LYZL6: variants seen among roughly 807,000 people sequenced by gnomAD.
LYZL6 encodes the protein lysozyme like 6.
Under a neutral mutation model 15.0 loss-of-function variants are expected in LYZL6, and 21 were observed. The observed-to-expected ratio is 1.40, with a 90% CI of 1.00 to 2.02. The LOEUF is 2.02. Among genes scored for constraint, LYZL6 ranks in the 30% most tolerant of loss-of-function variants. LYZL6 has a pLI of 0.00. For synonymous variants in LYZL6, 72 were observed against 67.8 expected (o/e 1.06, Z -0.31); for missense variants, 173 against 180.5 (o/e 0.96, Z 0.24).
intron 1 of LYZL6, among the ~76,000 whole-genome samples, chr17:35,942,561 C>A (rs1039324522): frequency 5.9e-5 from 9 of 152,166 alleles, no homozygotes; most frequent in Non-Finnish European, 1.0e-4. Flanking sequence ...GAATCCCCAG[C>A]AGAAAACTTT....
chr17:35,934,945 G>T (rs1013708083), intron 4 of LYZL6, 80 bp from the exon 5 acceptor site: 2 of 1,332,678 alleles, frequency 1.5e-6, no homozygotes, highest in Non-Finnish European at 2.1e-6. Context: ...GGTGAGTCTC[G>T]CATATGGAGC....
chr17:35,937,543 G>A (rs1182919333), intron 3 of LYZL6, among the ~76,000 whole-genome samples: 1 of 152,198 alleles, frequency 6.6e-6, no homozygotes, highest in Admixed American at 6.5e-5. Flanking sequence ...AGCTGTATAC[G>A]GAGCCTTCCT....
chr17:35,938,279 G>A (rs1386794743), intron 2 of LYZL6, among the ~76,000 whole-genome samples: 1 of 152,078 alleles, frequency 6.6e-6, no homozygotes, highest in Non-Finnish European at 1.5e-5. Flanking sequence ...TGTAATACAG[G>A]CCTTGTAATA....
chr17:35,937,849 G>A lies in LYZL6; in HGVS notation c.207C>T (p.Ser69=), dbSNP rs1173835881. ...TGATCTGGAAGAGGCCATAGTCAAA[G>A]CTTCCGTCTGCATTTTCATTTATCT... The part of the protein sequence containing the change: ...ISKINENADG[S]FDYGLFQINS... Residue 69 remains serine, a synonymous_variant, in exon 3 of 5, where the codon AGC becomes AGT. Transcript: ENST00000615905. 5.0e-6 allele frequency: 8 copies of A among 1,614,128 alleles called. No homozygotes were observed. The highest frequency in any genetic ancestry group is 6.8e-6 in the Non-Finnish European group (8 of 1,180,016).
intron 4 of LYZL6, among the ~76,000 whole-genome samples, chr17:35,936,004 G>A (rs1254050557): frequency 6.7e-6 from 1 of 148,326 alleles, no homozygotes; most frequent in Admixed American, 6.7e-5. Flanking sequence ...TAACAGAGAC[G>A]GGGCTTCACC....
rs960606566 is a variant in LYZL6 at position 35,939,546 on chromosome 17, T to C, written c.-190A>G. Reference sequence around the variant, plus strand: ...TTATTTTATAGATTTTTATTTATCATGGAAAATTAAACCTTTAAAAAAGGA... The same window carrying C: ...TTATTTTATAGATTTTTATTTATCACGGAAAATTAAACCTTTAAAAAAGGA... On this transcript the variant is annotated 5_prime_UTR_variant, in exon 2 of 5. It removes an upstream start codon present in the reference 5' UTR. Coordinates refer to ENST00000615905, the MANE Select transcript of LYZL6 (RefSeq NM_020426.4). The C allele has an allele frequency of 3.3e-5, 15 of 461,072 alleles. No individual in the cohort carries two copies. The East Asian group carries it at 3.8e-4, about 12-fold the overall frequency. 28.6% of individuals were successfully genotyped at this position (461,072 alleles called of 1,614,324 possible). A position where few individuals can be genotyped will look rare whatever the true frequency, so the allele number is the denominator to read the frequency against.
intron 2 of LYZL6, 109 bp from the exon 3 acceptor site, chr17:35,938,025 G>A (rs1358785321): frequency 9.1e-7 from 1 of 1,099,718 alleles, no homozygotes; most frequent in African/African-American, 1.6e-5. Context: ...CAAGGCCTGG[G>A]AGGCAAGATA....
intron 4 of LYZL6, 48 bp downstream of exon 4, chr17:35,936,707 C>T: frequency 1.3e-6 from 2 of 1,546,286 alleles, no homozygotes; most frequent in Non-Finnish European, 1.8e-6. Context: ...TCTGTCACGT[C>T]CTCCTTCGTG....
At chr17:35,936,691 C>T in intron 4 of LYZL6, 64 bp downstream of exon 4, 1 of 1,464,744 alleles carries the variant, frequency 6.8e-7, no homozygotes, top group Non-Finnish European at 9.5e-7. Flanking sequence ...GCCTACTGCC[C>T]TTTTCTCTGT....
In LYZL6 at chr17:35,941,469, G is replaced by A. The variant is rs528498980; in HGVS notation, c.-202-1911C>T. 1.2e-4 allele frequency among the ~76,000 whole-genome samples: 18 copies of A among 151,930 alleles called. 1 individual carries two copies. In the East Asian group the frequency reaches 3.5e-3, roughly 29 times the overall value. On this transcript the variant is annotated intron_variant, in intron 1 of 4. Coordinates refer to ENST00000615905, the MANE Select transcript of LYZL6 (RefSeq NM_020426.4). ...CACTTTCTTGGTGGTGTTCTTTGAA[G>A]CCCCAAAGTTTTTAATTTTGATGAT...
intron 1 of LYZL6, 43 bp downstream of exon 1, chr17:35,943,524 C>A (rs1418106835): frequency 1.3e-5 from 2 of 152,226 alleles, no homozygotes; most frequent in African/African-American, 4.8e-5. Flanking sequence ...TCAAGGAAGA[C>A]AGTGGCTCCA....
At chr17:35,938,552 A>G (rs1226526620) in intron 2 of LYZL6, among the ~76,000 whole-genome samples, 2 of 150,900 alleles carry the variant, frequency 1.3e-5, no homozygotes, top group East Asian at 2.0e-4. Context: ...CAGGAGGCAG[A>G]GCTTGCAGTG....
intron 3 of LYZL6, among the ~76,000 whole-genome samples, chr17:35,937,285 G>C (rs1174599331): frequency 6.6e-6 from 1 of 152,158 alleles, no homozygotes; most frequent in African/African-American, 2.4e-5. Context: ...TAGGGAGTTT[G>C]CACTTGGTCT....
chr17:35,943,399 A>G (rs2089437924), intron 1 of LYZL6, among the ~76,000 whole-genome samples, 168 bp downstream of exon 1: 2 of 146,854 alleles, frequency 1.4e-5, no homozygotes, highest in South Asian at 4.2e-4. Flanking sequence ...TTAGAATTTC[A>G]GACAAACAAC....
chr17:35,938,302 CA>C (rs2089394503), intron 2 of LYZL6, among the ~76,000 whole-genome samples: 1 of 152,058 alleles, frequency 6.6e-6, no homozygotes, highest in Non-Finnish European at 1.5e-5. Flanking sequence ...CTTGTATGTA[CA>C]AGCTTAAAAA....
intron 2 of LYZL6, among the ~76,000 whole-genome samples, chr17:35,938,961 C>A (rs570876558): frequency 3.9e-5 from 6 of 152,216 alleles, no homozygotes; most frequent in Non-Finnish European, 8.8e-5. Context: ...TGTTGCTGCT[C>A]TCTTCCCCTA....
intron 3 of LYZL6, 113 bp from the exon 4 acceptor site, chr17:35,936,946 G>T (rs560431017): frequency 3.4e-6 from 3 of 874,104 alleles, no homozygotes; most frequent in South Asian, 2.9e-5. Flanking sequence ...TCCAGTTGAG[G>T]CAAAGGCTGT....
In LYZL6 at chr17:35,943,008, C is replaced by T. The variant is rs144345331; in HGVS notation, c.-203+559G>A. ...GCACACCTGGTCCCAACTGAACCAT[C>T]GGGCTCTAGGAGGATAAGACATCCC... On this transcript the variant is annotated intron_variant, in intron 1 of 4. Transcript: ENST00000615905. Among the ~76,000 whole-genome samples the T allele has an allele frequency of 1.7e-3, 263 of 152,234 alleles. 1 individual carries two copies. Among genetic ancestry groups the T allele is most frequent in the African/African-American group, 5.8e-3 (243 of 41,548 alleles).
At chr17:35,943,196 C>G (rs1354452752) in intron 1 of LYZL6, among the ~76,000 whole-genome samples, 1 of 152,164 alleles carries the variant, frequency 6.6e-6, no homozygotes. Context: ...GTGTCTGCGA[C>G]CTCGATCTCC....
Sources: allele counts gnomAD v4.1 joint callset (sites outside exome capture counted in the v4.1 genomes callset), GRCh38; gene constraint gnomAD v4.1.1; transcripts MANE v1.5; gene names NCBI Gene and HGNC (gene_info 2026-07-23, HGNC 2026-07-21).